Variants in RUNX1 observed in about 807,000 individuals in gnomAD.
RUNX1 encodes RUNX family transcription factor 1.
In RUNX1, 19 loss-of-function variants were observed where a neutral mutation model predicts 42.8. The ratio of observed to expected loss-of-function variants is 0.44; its 90% CI spans 0.31 to 0.65. RUNX1 has a LOEUF of 0.65. Ranked by LOEUF, RUNX1 falls within the 30% of genes least tolerant of loss-of-function variation. RUNX1 has a pLI of 0.07. For synonymous variants in RUNX1, 271 were observed against 289.4 expected (o/e 0.94, Z 0.64); for missense variants, 528 against 672.0 (o/e 0.79, Z 2.37).
At chr21:35,021,327 C>T (rs1446075714) in intron 2 of RUNX1, among the ~76,000 whole-genome samples, 1 of 152,166 alleles carries the variant, frequency 6.6e-6, no homozygotes, top group Admixed American at 6.5e-5. Context: ...ACATAGCGAG[C>T]GAGCACTGTC....
intron 5 of RUNX1, among the ~76,000 whole-genome samples, chr21:34,871,929 C>T (rs942152974): frequency 3.9e-5 from 6 of 151,962 alleles, no homozygotes; most frequent in East Asian, 1.9e-4. Flanking sequence ...CTGCAACCTC[C>T]GCCTCCCTGG....
At chr21:34,846,476 A>G (rs1249744996) in intron 6 of RUNX1, among the ~76,000 whole-genome samples, 1 of 151,846 alleles carries the variant, frequency 6.6e-6, no homozygotes, top group African/African-American at 2.4e-5. Flanking sequence ...TGCTCCTACA[A>G]CCATCAAATC....
At chr21:35,038,845 A>C in intron 2 of RUNX1, 1 of 433,346 alleles carries the variant, frequency 2.3e-6, no homozygotes, top group Non-Finnish European at 4.7e-6. Context: ...CCATCTCTGA[A>C]CCCTCTGCAT....
intron 7 of RUNX1, among the ~76,000 whole-genome samples, chr21:34,810,154 G>A (rs903813737): frequency 2.6e-5 from 4 of 152,240 alleles, no homozygotes; most frequent in African/African-American, 7.2e-5. Flanking sequence ...GTTTCTCAGT[G>A]GGCATTCTCC....
In RUNX1 at chr21:34,889,677, C is replaced by A. The variant is rs1442364951; in HGVS notation, c.98-2581G>T. On this transcript the variant is annotated intron_variant, in intron 3 of 8. Coordinates refer to ENST00000675419, the MANE Select transcript of RUNX1 (RefSeq NM_001754.5). ...GAGCGGCCCCAGGTGCGGAACCCAC[C>A]CCGGCTTCGCGTGCGGGCGGCCGCT... 1.7e-5 allele frequency: 20 copies of A among 1,157,286 alleles called. 1 individual carries two copies. The highest frequency in any genetic ancestry group is 8.3e-5 in the African/African-American group (5 of 60,462). The allele number at this position is 1,157,286 out of a possible 1,614,324, so 71.7% of individuals were successfully genotyped here. A position where few individuals can be genotyped will look rare whatever the true frequency, so the allele number is the denominator to read the frequency against.
At position 34,792,313 on chromosome 21, in the gene RUNX1, T is replaced by TCCCC; in HGVS notation, c.1264_1265insGGGG (p.Glu422GlyfsTer179). On this transcript the variant is annotated frameshift_variant, in exon 9 of 9. Coordinates refer to ENST00000675419, the MANE Select transcript of RUNX1 (RefSeq NM_001754.5). LOFTEE classifies it high-confidence loss of function. The surrounding 1 kb of genome is among the most constrained non-coding windows in gnomAD (Gnocchi z 6.9). ...CGGCAGGATGCGCGGCGGCGAGCGC[T>TCCCC]CGCCGCCCACCATGGAGAACTGGTA... 1.6e-6 allele frequency: 2 copies of TCCCC among 1,271,226 alleles called. No homozygotes were observed. Among genetic ancestry groups the TCCCC allele is most frequent in the Non-Finnish European group, 1.1e-6 (1 of 931,482 alleles). 78.7% of individuals were successfully genotyped at this position (1,271,226 alleles called of 1,614,324 possible). A position where few individuals can be genotyped will look rare whatever the true frequency, so the allele number is the denominator to read the frequency against.
intron 2 of RUNX1, among the ~76,000 whole-genome samples, chr21:34,951,907 A>G (rs1300713993): frequency 1.3e-5 from 2 of 152,194 alleles, no homozygotes; most frequent in African/African-American, 2.4e-5. Flanking sequence ...AAATCATTCT[A>G]CTATAAAGAC....
At chr21:34,797,025 G>A (rs1369619459) in intron 8 of RUNX1, among the ~76,000 whole-genome samples, 1 of 152,232 alleles carries the variant, frequency 6.6e-6, no homozygotes, top group Non-Finnish European at 1.5e-5. Flanking sequence ...TCTCAAAGCT[G>A]TCGGCCAGGC....
intron 2 of RUNX1, among the ~76,000 whole-genome samples, chr21:34,955,232 A>ATT (rs372415334): frequency 2.1e-5 from 3 of 146,142 alleles, no homozygotes; most frequent in Admixed American, 6.9e-5. Context: ...GAGGAAGTCT[A>ATT]TTTTTTTTTT....
At chr21:34,848,278 C>T (rs575850156) in intron 6 of RUNX1, among the ~76,000 whole-genome samples, 1 of 152,366 alleles carries the variant, frequency 6.6e-6, no homozygotes, top group Middle Eastern at 3.4e-3. Flanking sequence ...TCAGCCACTG[C>T]TCCAGCTCGC....
chr21:34,818,737 T>C lies in RUNX1; in HGVS notation c.805+15673A>G, dbSNP rs995117231. Among the ~76,000 whole-genome samples the C allele has an allele frequency of 7.9e-5, 12 of 152,172 alleles. No homozygotes were observed. In the South Asian group the frequency reaches 1.4e-3, roughly 18 times the overall value. On this transcript the variant is annotated intron_variant, in intron 7 of 8. Coordinates refer to ENST00000675419, the MANE Select transcript of RUNX1 (RefSeq NM_001754.5). ...AGGATGGACCAGCCGACCGGCAGCT[T>C]CTTGGGCAGATGCCTGCAGACTGTC...
chr21:35,005,000 TA>T (rs1353851550), intron 2 of RUNX1, among the ~76,000 whole-genome samples: 1 of 152,218 alleles, frequency 6.6e-6, no homozygotes, highest in Non-Finnish European at 1.5e-5. Flanking sequence ...GCCACAGTTT[TA>T]AGACTAACCA....
intron 2 of RUNX1, among the ~76,000 whole-genome samples, chr21:35,010,625 G>GCACGCACA (rs1555915331): frequency 2.1e-5 from 3 of 143,624 alleles, no homozygotes; most frequent in African/African-American, 7.6e-5. Flanking sequence ...ACACACACAC[G>GCACGCACA]CACACACACA....
chr21:34,823,650 G>A (rs2056944312), intron 7 of RUNX1, among the ~76,000 whole-genome samples: 1 of 151,926 alleles, frequency 6.6e-6, no homozygotes, highest in Non-Finnish European at 1.5e-5. Context: ...TGCCATGTTG[G>A]CAGGCTGGTC....
At chr21:34,890,123 G>A (rs1238800876) in intron 3 of RUNX1, among the ~76,000 whole-genome samples, 2 of 152,034 alleles carry the variant, frequency 1.3e-5, no homozygotes, top group Admixed American at 1.3e-4. Flanking sequence ...GGAGGGGGCC[G>A]GGGTTGACTG....
At chr21:35,025,416 C>T (rs1451227538) in intron 2 of RUNX1, among the ~76,000 whole-genome samples, 1 of 152,162 alleles carries the variant, frequency 6.6e-6, no homozygotes, top group African/African-American at 2.4e-5. Context: ...CTGCTCCTCC[C>T]CCAGACGTTC....
chr21:35,037,240 C>A (rs1269615393), intron 2 of RUNX1, among the ~76,000 whole-genome samples: 1 of 152,184 alleles, frequency 6.6e-6, no homozygotes, highest in Non-Finnish European at 1.5e-5. Context: ...TCTCCCCACC[C>A]CAGCATGTCA....
intron 6 of RUNX1, among the ~76,000 whole-genome samples, chr21:34,839,468 C>T (rs986826675): frequency 2.0e-5 from 3 of 152,124 alleles, no homozygotes; most frequent in Admixed American, 6.5e-5. Context: ...GAACTCAAAG[C>T]GAACAGGGTG....
At chr21:34,962,563 T>C (rs2058688989) in intron 2 of RUNX1, among the ~76,000 whole-genome samples, 1 of 145,102 alleles carries the variant, frequency 6.9e-6, no homozygotes, top group African/African-American at 2.5e-5. Flanking sequence ...CAACCATTGA[T>C]GTGATTGTTG....
Sources: allele counts gnomAD v4.1 joint callset (sites outside exome capture counted in the v4.1 genomes callset), GRCh38; gene constraint gnomAD v4.1.1; non-coding constraint Gnocchi (gnomAD v3.1); transcripts MANE v1.5; gene names NCBI Gene and HGNC (gene_info 2026-07-23, HGNC 2026-07-21).